GSTCD: variants seen among roughly 807,000 people sequenced by gnomAD.
GSTCD encodes the protein glutathione S-transferase C-terminal domain-containing protein.
In GSTCD, 44 loss-of-function variants were observed where a neutral mutation model predicts 68.3. That is an observed-to-expected ratio of 0.64 (90% CI 0.51 to 0.83). The LOEUF (loss-of-function observed/expected upper bound fraction) is 0.83. GSTCD is among the 40% of genes least tolerant of loss of function. The pLI, the probability that GSTCD is intolerant of heterozygous loss-of-function variation, is 0.00. For synonymous variants in GSTCD, 273 were observed against 255.2 expected, an observed-to-expected ratio of 1.07 and a Z score of -0.67; for missense variants, 739 against 735.9, an observed-to-expected ratio of 1.00 and a Z score of -0.05.
chr4:105,810,884 A>G (rs911468860), intron 5 of GSTCD, among the ~76,000 whole-genome samples: 1 of 152,074 alleles, frequency 6.6e-6, no homozygotes, highest in Non-Finnish European at 1.5e-5. Context: ...TGGGAAATAC[A>G]GTTGTCCTGA....
chr4:105,730,112 T>C (rs906588399), intron 5 of GSTCD, among the ~76,000 whole-genome samples: 1 of 152,260 alleles, frequency 6.6e-6, no homozygotes, highest in African/African-American at 2.4e-5. Context: ...ATGGTGTATA[T>C]GTGCCACATA....
At chr4:105,763,820 T>C (rs1219064471) in intron 5 of GSTCD, among the ~76,000 whole-genome samples, 1 of 152,170 alleles carries the variant, frequency 6.6e-6, no homozygotes, top group Non-Finnish European at 1.5e-5. Context: ...AAGGTTTTTA[T>C]ATTGCTTTTA....
rs572445585 is a variant in GSTCD at position 105,781,905 on chromosome 4, T to G, written c.1241-41049T>G. ...CAGGAATTGCCATAGTGCTATTTTC[T>G]AAGGTGCATAGCATGTCTGTGTGGG... On this transcript the variant is annotated intron_variant, in intron 5 of 11. Transcript: ENST00000515279. Among the ~76,000 whole-genome samples the G allele has an allele frequency of 2.0e-5, 3 of 152,204 alleles. 1 individual carries two copies. The East Asian group carries it at 5.8e-4, about 29-fold the overall frequency.
chr4:105,823,444 G>GA (rs764257605), intron 7 of GSTCD, 169 bp downstream of exon 7: 25 of 477,584 alleles, frequency 5.2e-5, no homozygotes, highest in South Asian at 3.4e-4. Context: ...GAATCTTAAG[G>GA]AAAAAAAAGT....
intron 10 of GSTCD, among the ~76,000 whole-genome samples, chr4:105,838,666 A>G (rs1001444133): frequency 2.0e-5 from 3 of 152,262 alleles, no homozygotes; most frequent in African/African-American, 7.2e-5. Flanking sequence ...TTGTCTTCCA[A>G]AAGTAGTCAG....
At position 105,842,116 on chromosome 4, in the gene GSTCD, C is replaced by T. The variant is rs1288291204; in HGVS notation, c.1747C>T (p.Pro583Ser). 11 of 1,613,764 alleles carry T rather than the reference C, an allele frequency of 6.8e-6. No homozygotes were observed. The highest frequency in any genetic ancestry group is 1.1e-5 in the South Asian group (1 of 91,076). Residue 583 changes from proline (P) to serine (S), a missense_variant, in exon 11 of 12, where the codon CCC becomes TCC. Pro to Ser is a moderately conservative substitution (Grantham distance 74, BLOSUM62 -1). Transcript: ENST00000515279. ...FADQTAVQLPPQRRLIGKQCM... is the reference protein window; with the variant it reads ...FADQTAVQLPSQRRLIGKQCM... The stretch of plus-strand genomic sequence containing the variant: ...AGACCAGACAGCTGTCCAGCTCCCA[C>T]CCCAACGAAGGCTCATAGGTATGTG...
intron 5 of GSTCD, among the ~76,000 whole-genome samples, chr4:105,809,735 C>T (rs982264667): frequency 3.3e-5 from 5 of 151,076 alleles, no homozygotes; most frequent in South Asian, 2.1e-4. Flanking sequence ...CTATTAATGA[C>T]GACAAGTAAA....
At chr4:105,825,842 A>G in intron 8 of GSTCD, 42 bp downstream of exon 8, 1 of 1,264,994 alleles carries the variant, frequency 7.9e-7, no homozygotes, top group Non-Finnish European at 1.1e-6. Flanking sequence ...TTAGCTAAAT[A>G]AGAAAAATTA....
intron 7 of GSTCD, 127 bp downstream of exon 7, chr4:105,823,402 G>A (rs1373114914): frequency 1.6e-6 from 1 of 642,190 alleles, no homozygotes; most frequent in Non-Finnish European, 2.7e-6. Context: ...CACAGGCATT[G>A]TCTTTTCTTT....
chr4:105,820,570 A>T (rs953524673), intron 5 of GSTCD: 1 of 151,850 alleles, frequency 6.6e-6, no homozygotes. Flanking sequence ...GATCCTGCTC[A>T]TATTTCCTGG....
chr4:105,842,113 C>T lies in GSTCD; in HGVS notation c.1744C>T (p.Pro582Ser), dbSNP rs1724373984. ...RFADQTAVQLPPQRRLIGKQC... is the reference protein window; with the variant it reads ...RFADQTAVQLSPQRRLIGKQC... ...TGCAGACCAGACAGCTGTCCAGCTC[C>T]CACCCCAACGAAGGCTCATAGGTAT... Residue 582 changes from proline (P) to serine (S), a missense_variant, in exon 11 of 12, where the codon CCA becomes TCA. Pro to Ser is a moderately conservative substitution (Grantham distance 74). Transcript: ENST00000515279. 1.9e-6 allele frequency: 3 copies of T among 1,613,920 alleles called. No homozygotes were observed. Among genetic ancestry groups the T allele is most frequent in the Middle Eastern group, 1.6e-4 (1 of 6,062 alleles).
In GSTCD at chr4:105,846,683, T is replaced by C. The variant is rs2149291728; in HGVS notation, c.*1106T>C. Reference sequence around the variant, plus strand: ...ATTAGTTAAGCTTTTTTTTTTTTTTTTTTTTGAGACAGAGTTTCACTCTTG... The same window carrying C: ...ATTAGTTAAGCTTTTTTTTTTTTTTCTTTTTGAGACAGAGTTTCACTCTTG... On this transcript the variant is annotated 3_prime_UTR_variant, in exon 12 of 12. Coordinates refer to ENST00000515279, the MANE Select transcript of GSTCD (RefSeq NM_001370181.1). 1 of 151,414 alleles carries C rather than the reference T, an allele frequency of 6.6e-6. No homozygotes were observed. The highest frequency in any genetic ancestry group is 2.1e-4 in the South Asian group (1 of 4,762). The allele number at this position is 151,414 out of a possible 1,614,324, so 9.4% of individuals were successfully genotyped here. A position where few individuals can be genotyped will look rare whatever the true frequency, so the allele number is the denominator to read the frequency against.
intron 5 of GSTCD, among the ~76,000 whole-genome samples, chr4:105,769,583 C>T (rs1734762158): frequency 6.6e-6 from 1 of 152,104 alleles, no homozygotes; most frequent in South Asian, 2.1e-4. Flanking sequence ...GTTTTCTCTT[C>T]CTAGAATCTC....
chr4:105,811,876 G>T (rs1431776341), intron 5 of GSTCD, among the ~76,000 whole-genome samples: 1 of 152,164 alleles, frequency 6.6e-6, no homozygotes, highest in African/African-American at 2.4e-5. Context: ...TGTGGCTTTG[G>T]TTGGAGGATG....
At chr4:105,755,427 T>G (rs1481914297) in intron 5 of GSTCD, among the ~76,000 whole-genome samples, 1 of 152,130 alleles carries the variant, frequency 6.6e-6, no homozygotes, top group African/African-American at 2.4e-5. Context: ...CCCTTTACTA[T>G]CTGATCTCCT....
chr4:105,838,788 G>A (rs1432946657), intron 10 of GSTCD, among the ~76,000 whole-genome samples: 3 of 152,184 alleles, frequency 2.0e-5, no homozygotes, highest in Non-Finnish European at 4.4e-5. Flanking sequence ...TTTAAGAAAT[G>A]ATAATATTTG....
intron 5 of GSTCD, among the ~76,000 whole-genome samples, chr4:105,762,307 T>A (rs1560816770): frequency 6.6e-6 from 1 of 152,204 alleles, no homozygotes; most frequent in African/African-American, 2.4e-5. Flanking sequence ...ATTTAGTTTC[T>A]CCCCAAAGCT....
At chr4:105,765,564 T>C (rs1020074684) in intron 5 of GSTCD, among the ~76,000 whole-genome samples, 2 of 152,222 alleles carry the variant, frequency 1.3e-5, no homozygotes, top group Non-Finnish European at 2.9e-5. Flanking sequence ...GAAAATCAGG[T>C]GCATATGCAC....
chr4:105,763,220 A>G (rs756477040), intron 5 of GSTCD, among the ~76,000 whole-genome samples: 18 of 152,208 alleles, frequency 1.2e-4, no homozygotes, highest in Non-Finnish European at 2.4e-4. Context: ...TATTTCCACC[A>G]TGAAAGATAT....
Sources: gnomAD v4.1 joint callset for allele counts (sites outside exome capture counted in the v4.1 genomes callset) on GRCh38, gnomAD v4.1.1 for gene constraint, MANE v1.5 for transcripts, NCBI Gene and HGNC (gene_info 2026-07-23, HGNC 2026-07-21) for gene names.